The following SHANK1 variants were observed in gnomAD, a reference collection of about 807,000 sequenced individuals.
SHANK1 encodes SH3 and multiple ankyrin repeat domains protein 1.
A neutral mutation model predicts 165.6 loss-of-function variants in SHANK1; 35 were observed. That is an observed-to-expected ratio of 0.21 (90% CI 0.16 to 0.28). The LOEUF (loss-of-function observed/expected upper bound fraction) is 0.28, where lower values mean the gene tolerates loss of function less well. Ranked by LOEUF, SHANK1 falls within the 10% of genes least tolerant of loss-of-function variation. The probability of loss-of-function intolerance (pLI) is 1.00; values close to 1 mark genes in which losing one functional copy is unlikely to be tolerated. For synonymous variants in SHANK1, 1,428 were observed against 1,384.8 expected (o/e 1.03, Z -0.69); for missense variants, 2,681 against 3,036.4 (o/e 0.88, Z 2.75).
chr19:50,704,704 C>T (rs758648522), intron 8 of SHANK1, among the ~76,000 whole-genome samples, 190 bp from the exon 9 acceptor site: 11 of 152,058 alleles, frequency 7.2e-5, no homozygotes, highest in Non-Finnish European at 1.5e-4. Flanking sequence ...CCGGCCCAAA[C>T]GGAGATGCAC....
rs765283937 is a variant in SHANK1, at chr19:50,715,750, A to C, written c.460-20T>G. 2.3e-5 allele frequency: 37 copies of C among 1,608,146 alleles called. 1 individual carries two copies. The South Asian group carries it at 4.0e-4, about 17-fold the overall frequency. On this transcript the variant is annotated intron_variant, in intron 3 of 23. Coordinates refer to ENST00000293441, the MANE Select transcript of SHANK1 (RefSeq NM_016148.5). ...TCGGAACTGAGGTCAAGGGTAGGGTAGTGAGAGAGACACAGAGACTTGGAA... is the reference window on the plus strand; with the variant it reads ...TCGGAACTGAGGTCAAGGGTAGGGTCGTGAGAGAGACACAGAGACTTGGAA...
At chr19:50,682,353 C>G (rs540190398) in intron 21 of SHANK1, among the ~76,000 whole-genome samples, 1 of 152,262 alleles carries the variant, frequency 6.6e-6, no homozygotes, top group African/African-American at 2.4e-5. Context: ...TGCGCCCGGC[C>G]CAGCCTGGCC....
At chr19:50,694,254 C>G (rs572999739) in intron 15 of SHANK1, among the ~76,000 whole-genome samples, 1 of 151,956 alleles carries the variant, frequency 6.6e-6, no homozygotes, top group South Asian at 2.1e-4. Flanking sequence ...CACAGCCACA[C>G]TGACACACGC....
intron 21 of SHANK1, among the ~76,000 whole-genome samples, chr19:50,680,844 C>T (rs888058487): frequency 9.9e-5 from 15 of 152,042 alleles, no homozygotes; most frequent in African/African-American, 3.1e-4. Flanking sequence ...TTAGTAGCGA[C>T]GGGGTTTCAC....
chr19:50,703,273 C>T (rs916174201), intron 11 of SHANK1, among the ~76,000 whole-genome samples: 1 of 152,222 alleles, frequency 6.6e-6, no homozygotes, highest in Non-Finnish European at 1.5e-5. Context: ...GGGGTACCCT[C>T]TGCCTGGGGC....
chr19:50,712,419 G>T (rs544774376), intron 6 of SHANK1, among the ~76,000 whole-genome samples: 1 of 152,330 alleles, frequency 6.6e-6, no homozygotes, highest in Non-Finnish European at 1.5e-5. Context: ...AGACATTAGG[G>T]GCCACAGTAC....
At position 50,668,407 on chromosome 19, in the gene SHANK1, G is replaced by C; in HGVS notation, c.3553C>G (p.Pro1185Ala). 1 of 1,320,598 alleles carries C rather than the reference G, an allele frequency of 7.6e-7. No individual in the cohort carries two copies. Among genetic ancestry groups the C allele is most frequent in the Non-Finnish European group, 9.7e-7 (1 of 1,033,090 alleles). 81.8% of individuals were successfully genotyped at this position (1,320,598 alleles called of 1,614,324 possible). Residue 1185 changes from proline to alanine, a missense_variant, in exon 23 of 24, where the codon CCG becomes GCG. By Grantham distance (27) the Pro-to-Ala change is conservative. Coordinates refer to ENST00000293441, the MANE Select transcript of SHANK1 (RefSeq NM_016148.5). ...CCGCCGCCGCCTCCCGTGGGCTCCG[G>C]CTGGGTGGGGGGCTCCGCCTCGGTG... is the stretch of plus-strand genomic sequence containing the variant. ...SSTEAEPPTQ[P>A]EPTGGGGGGG...
chr19:50,660,194 G>A lies in SHANK1; in HGVS notation c.*1771C>T, dbSNP rs1985144299. 8.2e-6 allele frequency among the ~76,000 whole-genome samples: 1 copy of A among 122,174 alleles called. No individual in the cohort carries two copies. Among genetic ancestry groups the A allele is most frequent in the South Asian group, 2.5e-4 (1 of 3,936 alleles). 80.2% of individuals were successfully genotyped at this position (122,174 alleles called of 152,430 possible). On this transcript the variant is annotated 3_prime_UTR_variant, in exon 24 of 24. Transcript: ENST00000293441. The stretch of plus-strand genomic sequence containing the variant: ...AGGGGGCTTTTCAGGGGGAGGGGTG[G>A]CTTAACATTCCCAAGCCCCGGGAAT...
rs771160741 is a variant in SHANK1 at position 50,702,583 on chromosome 19, C to G, written c.1631G>C (p.Arg544Pro). 1 of 1,608,530 alleles carries G rather than the reference C, an allele frequency of 6.2e-7. No individual in the cohort carries two copies. Among genetic ancestry groups the G allele is most frequent in the Non-Finnish European group, 8.5e-7 (1 of 1,177,914 alleles). ...SGGPGGSLGS[R>P]GRRRKLYSAV... ...TGAGTAGAGCTTCCTCCGCCTCCCG[C>G]GGCTGCCCAGGGAGCCCCCGGGGCC... is the stretch of plus-strand genomic sequence containing the variant. The change falls in exon 12 of 24, where the codon CGC becomes CCC. Residue 544 changes from arginine to proline, a missense_variant. This residue lies in a region of SHANK1 where 195 missense variants were observed against 186.2 expected (regional missense o/e 1.05). Transcript: ENST00000293441. The surrounding 1 kb of genome is among the most constrained non-coding windows in gnomAD (Gnocchi z 5.3).
rs140414483 is a variant in SHANK1, at chr19:50,696,549, G to C, written c.1964+547C>G. Among the ~76,000 whole-genome samples, 323 of 152,042 alleles carry C rather than the reference G, an allele frequency of 2.1e-3. 2 individuals carry two copies. The highest frequency in any genetic ancestry group is 7.0e-3 in the African/African-American group (290 of 41,442). ...CAGTGGAGGAGAGTGTCATATTTTA[G>C]ACACCAAATTATGACCCTCCCTCCC... On this transcript the variant is annotated intron_variant, in intron 15 of 23. Coordinates refer to ENST00000293441, the MANE Select transcript of SHANK1 (RefSeq NM_016148.5).
In SHANK1 at chr19:50,688,904, C is replaced by G. The variant is rs144053654; in HGVS notation, c.2112G>C (p.Ser704=). The change falls in exon 17 of 24, where the codon TCG becomes TCC. Residue 704 remains serine, a synonymous_variant. Transcript: ENST00000293441. The surrounding 1 kb of genome is among the most constrained non-coding windows in gnomAD (Gnocchi z 6.7). ...PAFPALQYLE[S]VDEGGVAWRA... is the part of the protein sequence containing the mutation. ...GCCATGCCACGCCACCCTCGTCCAC[C>G]GACTCCAGGTACTGCAGCGCCGGGA... The G allele has an allele frequency of 7.2e-4, 1,143 of 1,583,100 alleles. 10 individuals are homozygous for G. In the East Asian group the frequency reaches 0.02, roughly 28 times the overall value.
chr19:50,687,732 G>A, intron 18 of SHANK1, 70 bp from the exon 19 acceptor site: 1 of 1,382,570 alleles, frequency 7.2e-7, no homozygotes, highest in South Asian at 1.5e-5. Context: ...ACCACCACAG[G>A]GCTCCCAGGG....
chr19:50,702,636 C>T lies in SHANK1; in HGVS notation c.1578G>A (p.Gly526=), dbSNP rs781390715. The T allele has an allele frequency of 3.8e-6, 6 of 1,579,082 alleles. No individual in the cohort carries two copies. The highest frequency in any genetic ancestry group is 3.5e-4 in the Middle Eastern group (2 of 5,712). ...RPSSSGTPRE[G]PAGGTGGSGG... The stretch of plus-strand genomic sequence containing the variant: ...CTGAGCCCCCCGTGCCCCCGGCTGG[C>T]CCTTCCCGGGGTGTCCCGCTGGAGC... Residue 526 remains glycine, a synonymous_variant, in exon 12 of 24, where the codon GGG becomes GGA. Coordinates refer to ENST00000293441, the MANE Select transcript of SHANK1 (RefSeq NM_016148.5). This position sits in a 1 kb window ranked among gnomAD's most constrained non-coding sequence, Gnocchi z 5.3.
At chr19:50,665,965 C>T (rs1299640063) in intron 23 of SHANK1, among the ~76,000 whole-genome samples, 1 of 146,994 alleles carries the variant, frequency 6.8e-6, no homozygotes, top group Admixed American at 6.7e-5. Context: ...GAGCCGAGAT[C>T]ACGCCATTGC....
At chr19:50,669,314 G>T in intron 22 of SHANK1, 29 bp from the exon 23 acceptor site, 1 of 1,500,112 alleles carries the variant, frequency 6.7e-7, no homozygotes, top group Non-Finnish European at 9.2e-7. Flanking sequence ...TCAAGGAGGG[G>T]GACCCTGGCG....
chr19:50,686,852 G>GGGGGC lies in SHANK1; in HGVS notation c.2390-45_2390-41dup, dbSNP rs1568435178. On this transcript the variant is annotated intron_variant, in intron 19 of 23. Transcript: ENST00000293441. This position sits in a 1 kb window ranked among gnomAD's most constrained non-coding sequence, Gnocchi z 5.7. ...CACGGATGACGCCCAGGGAGCCCCC[G>GGGGGC]GGGGCGGGGCGGAGCGGGCTCGGCC... 5 of 1,606,340 alleles carry GGGGGC rather than the reference G, an allele frequency of 3.1e-6. No homozygotes were observed. The South Asian group carries it at 5.5e-5, about 18-fold the overall frequency.
intron 21 of SHANK1, among the ~76,000 whole-genome samples, chr19:50,679,713 A>G (rs935030299): frequency 2.6e-5 from 4 of 152,162 alleles, no homozygotes; most frequent in African/African-American, 9.7e-5. Context: ...CAGCCCTGAG[A>G]GGGGATAGGG....
chr19:50,697,671 G>A lies in SHANK1; in HGVS notation c.1862-7C>T, dbSNP rs1986785175. 6.2e-7 allele frequency: 1 copy of A among 1,613,298 alleles called. No homozygotes were observed. The highest frequency in any genetic ancestry group is 1.1e-5 in the South Asian group (1 of 91,068). Reference sequence around the variant, plus strand: ...GCCTTGTCACTGCGGCTTTCTGCAGGGTGACAACAGACAACCTTGGACTCT... The same window carrying A: ...GCCTTGTCACTGCGGCTTTCTGCAGAGTGACAACAGACAACCTTGGACTCT... On this transcript the variant is annotated splice_polypyrimidine_tract_variant and splice_region_variant and intron_variant, in intron 13 of 23. Transcript: ENST00000293441. The surrounding 1 kb of genome is among the most constrained non-coding windows in gnomAD (Gnocchi z 4.7).
chr19:50,686,928 G>A lies in SHANK1; in HGVS notation c.2390-116C>T. 9.5e-6 allele frequency: 13 copies of A among 1,372,954 alleles called. No homozygotes were observed. Among genetic ancestry groups the A allele is most frequent in the African/African-American group, 1.5e-5 (1 of 67,066 alleles). The allele number at this position is 1,372,954 out of a possible 1,614,324, so 85.0% of individuals were successfully genotyped here. On this transcript the variant is annotated intron_variant, in intron 19 of 23. Transcript: ENST00000293441. The surrounding 1 kb of genome is among the most constrained non-coding windows in gnomAD (Gnocchi z 5.7). ...CCAGTGGGCGTGGCGGGCGCGAGAG[G>A]GGCAGTGAGGGGCCGGGGTCAGGGA...
Sources: allele counts gnomAD v4.1 joint callset (sites outside exome capture counted in the v4.1 genomes callset), GRCh38; gene constraint gnomAD v4.1.1; regional missense constraint gnomAD v4.1.1; non-coding constraint Gnocchi (gnomAD v3.1); transcripts MANE v1.5; gene names NCBI Gene and HGNC (gene_info 2026-07-23, HGNC 2026-07-21).